SYT6: variants seen among roughly 807,000 people sequenced by gnomAD.
The protein encoded by SYT6 is synaptotagmin-6.
A neutral mutation model predicts 38.4 loss-of-function variants in SYT6; 24 were observed. The ratio of observed to expected loss-of-function variants is 0.62; its 90% CI spans 0.45 to 0.88. SYT6 has a LOEUF of 0.88. Among genes scored for constraint, SYT6 ranks in the 40% least tolerant of loss-of-function variants. SYT6 has a pLI of 0.00. For missense variants in SYT6, 611 were observed against 621.0 expected, an observed-to-expected ratio of 0.98 and a Z score of 0.17; for synonymous variants, 265 against 241.9, an observed-to-expected ratio of 1.10 and a Z score of -0.89.
chr1:114,146,012 T>C (rs554539797), intron 1 of SYT6, among the ~76,000 whole-genome samples: 1 of 152,064 alleles, frequency 6.6e-6, no homozygotes, highest in African/African-American at 2.4e-5. Flanking sequence ...GAGGGCATGG[T>C]TTTTTGGAAT....
intron 5 of SYT6, 70 bp downstream of exon 5, chr1:114,099,024 A>C: frequency 6.7e-7 from 1 of 1,495,676 alleles, no homozygotes; most frequent in Non-Finnish European, 9.1e-7. Flanking sequence ...GTCTAAGGTC[A>C]AGGAGCCCTG....
intron 3 of SYT6, among the ~76,000 whole-genome samples, chr1:114,133,607 G>A (rs1199792694): frequency 6.6e-6 from 1 of 152,208 alleles, no homozygotes; most frequent in Non-Finnish European, 1.5e-5. Context: ...CAGAAGGAGA[G>A]ATGGGGGAAA....
chr1:114,099,383 G>C (rs1317235828), intron 4 of SYT6, 118 bp from the exon 5 acceptor site: 15 of 1,055,352 alleles, frequency 1.4e-5, no homozygotes, highest in African/African-American at 1.6e-5. Context: ...GATGGTATCA[G>C]TGGGTTGTTA....
intron 7 of SYT6, among the ~76,000 whole-genome samples, chr1:114,093,097 G>A (rs1675420037): frequency 6.6e-6 from 1 of 152,216 alleles, no homozygotes; most frequent in African/African-American, 2.4e-5. Context: ...CCACTATGGA[G>A]TGAGGGGGCT....
chr1:114,138,069 A>G lies in SYT6; in HGVS notation c.513-16T>C, dbSNP rs753140785. On this transcript the variant is annotated splice_polypyrimidine_tract_variant and intron_variant, in intron 2 of 7. Coordinates refer to ENST00000610222, the MANE Select transcript of SYT6 (RefSeq NM_001253772.2). ...GGACGTGTGCCTGGTAGAGGGCAGG[A>G]GGGGGCAGAGGGAGTGTGGTCAGGG... is the stretch of plus-strand genomic sequence containing the variant. 56 of 1,606,034 alleles carry G rather than the reference A, an allele frequency of 3.5e-5. No individual in the cohort carries two copies. The South Asian group carries it at 6.1e-4, about 17-fold the overall frequency.
intron 3 of SYT6, among the ~76,000 whole-genome samples, chr1:114,109,786 A>G (rs1324264428): frequency 6.6e-6 from 1 of 152,232 alleles, no homozygotes; most frequent in African/African-American, 2.4e-5. Flanking sequence ...AGAGCAAGGA[A>G]GAAGGAATTC....
intron 3 of SYT6, among the ~76,000 whole-genome samples, chr1:114,114,494 A>G (rs971771729): frequency 2.0e-5 from 3 of 152,170 alleles, no homozygotes; most frequent in African/African-American, 7.2e-5. Context: ...TGGTCTCCCC[A>G]GGAGGGTTGC....
intron 6 of SYT6, 69 bp from the exon 7 acceptor site, chr1:114,093,872 T>C: frequency 1.4e-6 from 2 of 1,457,246 alleles, no homozygotes; most frequent in Admixed American, 3.4e-5. Context: ...CTCAAGTGTT[T>C]CTTAACCAGA....
chr1:114,129,592 CTTTCTTTCTTTCTTTCTTTCTTTCCTTT>C lies in SYT6; in HGVS notation c.1071+7875_1071+7902del, dbSNP rs1557756073. On this transcript the variant is annotated intron_variant, in intron 3 of 7. Coordinates refer to ENST00000610222, the MANE Select transcript of SYT6 (RefSeq NM_001253772.2). ...TCTTTCTTTCTTTCTTTCTTTCTTT[CTTTCTTTCTTTCTTTCTTTCTTTCCTTT>C]CTTTCTTTCTTTCTTTCTTTCTCTT... 2.1e-3 allele frequency among the ~76,000 whole-genome samples: 189 copies of C among 92,156 alleles called. 1 individual carries two copies. The South Asian group carries it at 0.052, about 25-fold the overall frequency. 60.5% of individuals were successfully genotyped at this position (92,156 alleles called of 152,430 possible). A position where few individuals can be genotyped will look rare whatever the true frequency, so the allele number is the denominator to read the frequency against.
intron 3 of SYT6, among the ~76,000 whole-genome samples, chr1:114,117,325 GA>G (rs1387752991): frequency 2.4e-4 from 36 of 152,240 alleles, no homozygotes; most frequent in Admixed American, 1.3e-4. Context: ...CATATAGCAA[GA>G]ATACAATCTG....
chr1:114,140,416 A>C (rs1488983369), intron 1 of SYT6, among the ~76,000 whole-genome samples: 1 of 152,186 alleles, frequency 6.6e-6, no homozygotes, highest in Non-Finnish European at 1.5e-5. Context: ...TTTTGTCTAC[A>C]GCCCACTTCC....
intron 3 of SYT6, among the ~76,000 whole-genome samples, chr1:114,115,060 C>G (rs1025374970): frequency 1.3e-5 from 2 of 152,236 alleles, no homozygotes; most frequent in African/African-American, 4.8e-5. Flanking sequence ...TCAAAGATAT[C>G]TGACACCACT....
At chr1:114,138,955 C>T (rs1678679579) in intron 2 of SYT6, among the ~76,000 whole-genome samples, 1 of 152,186 alleles carries the variant, frequency 6.6e-6, no homozygotes. Flanking sequence ...CCTGGAGAGC[C>T]GTTGCAGGGA....
chr1:114,145,121 G>A (rs1679090586), intron 1 of SYT6, among the ~76,000 whole-genome samples: 1 of 152,078 alleles, frequency 6.6e-6, no homozygotes, highest in East Asian at 1.9e-4. Flanking sequence ...GAAGCTCGGG[G>A]CAGGTGGACA....
chr1:114,090,925 T>C lies in SYT6; in HGVS notation c.*1209A>G, dbSNP rs1333394690. Reference sequence around the variant, plus strand: ...TCACAACCACTGAAACAAACAACACTGAAGTACTTAGTAATTTATAGAACT... The same window carrying C: ...TCACAACCACTGAAACAAACAACACCGAAGTACTTAGTAATTTATAGAACT... On this transcript the variant is annotated 3_prime_UTR_variant, in exon 8 of 8. Transcript: ENST00000610222. 2 of 152,742 alleles carry C rather than the reference T, an allele frequency of 1.3e-5. No homozygotes were observed. The highest frequency in any genetic ancestry group is 4.8e-5 in the African/African-American group (2 of 41,408). The allele number at this position is 152,742 out of a possible 1,614,324, so 9.5% of individuals were successfully genotyped here. A position where few individuals can be genotyped will look rare whatever the true frequency, so the allele number is the denominator to read the frequency against.
chr1:114,090,036 T>C lies in SYT6; in HGVS notation c.*2098A>G, dbSNP rs949906227. ...AACGATGACAGCTGGACATGAATTT[T>C]GAGTTCACTTCCAGAAGGACCTTCT... On this transcript the variant is annotated 3_prime_UTR_variant, in exon 8 of 8. Transcript: ENST00000610222. 5.9e-5 allele frequency: 9 copies of C among 152,382 alleles called. No individual in the cohort carries two copies. Among genetic ancestry groups the C allele is most frequent in the Non-Finnish European group, 1.3e-4 (9 of 68,042 alleles). The allele number at this position is 152,382 out of a possible 1,614,324, so 9.4% of individuals were successfully genotyped here.
chr1:114,129,555 TTTTCTTTCTTTTCTTTC>T (rs778133174), intron 3 of SYT6, among the ~76,000 whole-genome samples: 19 of 142,144 alleles, frequency 1.3e-4, no homozygotes, highest in South Asian at 9.3e-4. Context: ...TTCTGTCTTT[TTTTCTTTCTTTTCTTTC>T]TTTCTTTCTT....
In SYT6 at chr1:114,091,733, T is replaced by C. The variant is rs1675310543; in HGVS notation, c.*401A>G. 2 of 294,530 alleles carry C rather than the reference T, an allele frequency of 6.8e-6. No homozygotes were observed. The highest frequency in any genetic ancestry group is 1.1e-4 in the East Asian group (2 of 18,454). 18.2% of individuals were successfully genotyped at this position (294,530 alleles called of 1,614,324 possible). ...CAACTTCTGGGCTTTCCACCCTTTG[T>C]CTTTTCCTACTCTTTTTTTTTTTCC... On this transcript the variant is annotated 3_prime_UTR_variant, in exon 8 of 8. Transcript: ENST00000610222.
intron 3 of SYT6, among the ~76,000 whole-genome samples, chr1:114,133,095 CA>C (rs1678253382): frequency 6.6e-6 from 1 of 152,046 alleles, no homozygotes; most frequent in African/African-American, 2.4e-5. Flanking sequence ...AACACTTCAT[CA>C]CCCCTAAAAC....
Sources: gnomAD v4.1 joint callset for allele counts (sites outside exome capture counted in the v4.1 genomes callset) on GRCh38, gnomAD v4.1.1 for gene constraint, MANE v1.5 for transcripts, NCBI Gene and HGNC (gene_info 2026-07-23, HGNC 2026-07-21) for gene names.